The following DNAI3 variants were observed in gnomAD, a reference collection of about 807,000 sequenced individuals.
DNAI3 encodes dynein axonemal intermediate chain 3.
DNAI3 carries 83 observed loss-of-function variants against 115.5 expected under a neutral mutation model. That is an observed-to-expected ratio of 0.72 (90% confidence interval 0.60 to 0.86). DNAI3 has a LOEUF of 0.86. Among genes scored for constraint, DNAI3 ranks in the 40% least tolerant of loss-of-function variants. DNAI3 has a pLI of 0.00. For missense variants in DNAI3, 1,004 were observed against 1,075.8 expected, an observed-to-expected ratio of 0.93 and a Z score of 0.93; for synonymous variants, 320 against 347.0, an observed-to-expected ratio of 0.92 and a Z score of 0.86.
chr1:85,127,921 C>T (rs1467897943), intron 20 of DNAI3, among the ~76,000 whole-genome samples: 1 of 151,696 alleles, frequency 6.6e-6, no homozygotes, highest in Non-Finnish European at 1.5e-5. Context: ...GAGTTCAAGG[C>T]CAACCTGAGC....
At chr1:85,064,398 C>T (rs1425757626) in intron 1 of DNAI3, among the ~76,000 whole-genome samples, 1 of 152,182 alleles carries the variant, frequency 6.6e-6, no homozygotes, top group Non-Finnish European at 1.5e-5. Context: ...GACTAATAGA[C>T]ATTGTAGGAA....
intron 16 of DNAI3, among the ~76,000 whole-genome samples, chr1:85,113,921 T>C (rs559988937): frequency 1.1e-4 from 16 of 152,298 alleles, no homozygotes; most frequent in Admixed American, 8.5e-4. Flanking sequence ...TTTATTTCTA[T>C]ATTCTTCATA....
chr1:85,074,995 C>T (rs1204475936), intron 3 of DNAI3, among the ~76,000 whole-genome samples: 1 of 152,202 alleles, frequency 6.6e-6, no homozygotes, highest in Admixed American at 6.5e-5. Context: ...TTCCATCTCT[C>T]ATCCTGTTTT....
intron 1 of DNAI3, among the ~76,000 whole-genome samples, chr1:85,066,399 T>G (rs1654099240): frequency 7.4e-6 from 1 of 134,590 alleles, no homozygotes; most frequent in Non-Finnish European, 1.5e-5. Context: ...CTCGGCTCAC[T>G]GCAAGCTCCG....
At chr1:85,109,149 G>A (rs1655582542) in intron 15 of DNAI3, among the ~76,000 whole-genome samples, 1 of 152,188 alleles carries the variant, frequency 6.6e-6, no homozygotes, top group Non-Finnish European at 1.5e-5. Flanking sequence ...ACATAGCAGA[G>A]CTTGAAGAAA....
At chr1:85,114,715 C>T (rs1375603877) in intron 16 of DNAI3, among the ~76,000 whole-genome samples, 2 of 152,234 alleles carry the variant, frequency 1.3e-5, no homozygotes, top group Non-Finnish European at 2.9e-5. Flanking sequence ...CTAGAATATA[C>T]TCATAAGGTT....
intron 3 of DNAI3, 23 bp from the exon 4 acceptor site, chr1:85,081,211 A>C (rs1654622577): frequency 6.5e-7 from 1 of 1,534,288 alleles, no homozygotes; most frequent in Non-Finnish European, 8.7e-7. Context: ...TTTAATGTCC[A>C]AATTCCACTT....
intron 4 of DNAI3, among the ~76,000 whole-genome samples, 171 bp from the exon 5 acceptor site, chr1:85,082,129 C>G (rs1433513754): frequency 6.6e-6 from 1 of 152,072 alleles, no homozygotes; most frequent in African/African-American, 2.4e-5. Context: ...TTTTTAAGAG[C>G]TTTTTAAAGT....
chr1:85,108,013 T>G lies in DNAI3; in HGVS notation c.1554-20T>G. 7.0e-7 allele frequency: 1 copy of G among 1,429,434 alleles called. No individual in the cohort carries two copies. The highest frequency in any genetic ancestry group is 2.6e-5 in the East Asian group (1 of 38,434). 88.5% of individuals were successfully genotyped at this position (1,429,434 alleles called of 1,614,324 possible). A position where few individuals can be genotyped will look rare whatever the true frequency, so the allele number is the denominator to read the frequency against. ...CCTCTTGTTTGTACTTAATAAAAAA[T>G]ATATATAAATTTTTTTTAGCACAAT... On this transcript the variant is annotated intron_variant, in intron 14 of 22. Coordinates refer to ENST00000294664, the MANE Select transcript of DNAI3 (RefSeq NM_145172.5).
chr1:85,084,058 A>G (rs1294145144), intron 5 of DNAI3, among the ~76,000 whole-genome samples: 1 of 150,610 alleles, frequency 6.6e-6, no homozygotes, highest in East Asian at 1.9e-4. Flanking sequence ...GCTCTATGGA[A>G]TTTTATTTTA....
intron 13 of DNAI3, among the ~76,000 whole-genome samples, chr1:85,100,031 C>T (rs1438179388): frequency 6.6e-6 from 1 of 152,126 alleles, no homozygotes. Context: ...AGAAGAAAAC[C>T]TAGGCAATAC....
rs1189296602 is a variant in DNAI3, at chr1:85,097,637, T to A, written c.1332T>A (p.Ser444Arg). 1.2e-6 allele frequency: 2 copies of A among 1,612,080 alleles called. No individual in the cohort carries two copies. The highest frequency in any genetic ancestry group is 2.2e-5 in the South Asian group (2 of 90,594). Residue 444 changes from serine to arginine, a missense_variant, in exon 12 of 23, where the codon AGT becomes AGA. Coordinates refer to ENST00000294664, the MANE Select transcript of DNAI3 (RefSeq NM_145172.5). Reference protein sequence around the residue: ...IENIKAGGSRSKRATLKPMFL... With the variant: ...IENIKAGGSRRKRATLKPMFL... Reference sequence around the variant, plus strand: ...ACATTAAGGCAGGTGGTAGTAGAAGTAAAAGAGCCACACTGAAGGTAAGCT... The same window carrying A: ...ACATTAAGGCAGGTGGTAGTAGAAGAAAAAGAGCCACACTGAAGGTAAGCT...
chr1:85,089,984 A>G, intron 7 of DNAI3, 132 bp from the exon 8 acceptor site: 1 of 377,408 alleles, frequency 2.6e-6, no homozygotes, highest in Non-Finnish European at 4.8e-6. Flanking sequence ...AAGAAAATTC[A>G]ATGTATATAA....
At chr1:85,063,216 T>C (rs1048220218) in intron 1 of DNAI3, among the ~76,000 whole-genome samples, 1 of 152,062 alleles carries the variant, frequency 6.6e-6, no homozygotes, top group African/African-American at 2.4e-5. Flanking sequence ...TGTTTCAGCC[T>C]GAGTGAGGAA....
intron 20 of DNAI3, among the ~76,000 whole-genome samples, 166 bp from the exon 21 acceptor site, chr1:85,128,542 A>G (rs1030162142): frequency 1.3e-5 from 2 of 152,228 alleles, no homozygotes; most frequent in Non-Finnish European, 1.5e-5. Flanking sequence ...TGACTTGTAC[A>G]TGTTTACATG....
intron 1 of DNAI3, among the ~76,000 whole-genome samples, chr1:85,069,990 C>T (rs751011836): frequency 5.9e-5 from 9 of 151,980 alleles, no homozygotes; most frequent in Non-Finnish European, 1.0e-4. Context: ...TAGCTGGGCG[C>T]GGTGGCTCAT....
intron 3 of DNAI3, among the ~76,000 whole-genome samples, chr1:85,079,267 G>A (rs766456037): frequency 3.9e-5 from 6 of 152,168 alleles, no homozygotes; most frequent in Non-Finnish European, 7.3e-5. Context: ...TTTTGAGGGA[G>A]ATAAAAGTGT....
intron 13 of DNAI3, among the ~76,000 whole-genome samples, chr1:85,100,686 C>T (rs944341092): frequency 8.6e-5 from 13 of 152,046 alleles, no homozygotes; most frequent in East Asian, 3.9e-4. Flanking sequence ...ATGTTTATTG[C>T]GGCACTATTC....
intron 13 of DNAI3, among the ~76,000 whole-genome samples, chr1:85,100,993 G>A (rs966664575): frequency 5.9e-5 from 9 of 151,472 alleles, no homozygotes; most frequent in South Asian, 2.1e-4. Context: ...GGAGGAGGGG[G>A]GATAGCATTA....
Sources: gnomAD v4.1 joint callset for allele counts (sites outside exome capture counted in the v4.1 genomes callset) on GRCh38, gnomAD v4.1.1 for gene constraint, MANE v1.5 for transcripts, NCBI Gene and HGNC (gene_info 2026-07-23, HGNC 2026-07-21) for gene names.